Variants in LPAR3 observed in about 807,000 individuals in gnomAD.
LPAR3 encodes the protein lysophosphatidic acid receptor 3.
Under a neutral mutation model 17.8 loss-of-function variants are expected in LPAR3, and 7 were observed. The observed-to-expected ratio is 0.39, with a 90% CI of 0.22 to 0.74. LPAR3 has a LOEUF of 0.74. LPAR3 is among the 30% of genes least tolerant of loss of function. The pLI is 0.40. For missense variants in LPAR3, 391 were observed against 453.4 expected, an observed-to-expected ratio of 0.86 and a Z score of 1.25; for synonymous variants, 179 against 179.9, an observed-to-expected ratio of 0.99 and a Z score of 0.04.
In LPAR3 at chr1:84,813,544, T is replaced by C; in HGVS notation, c.*302A>G. The C allele has an allele frequency of 3.4e-6, 1 of 296,622 alleles. No homozygotes were observed. The allele number at this position is 296,622 out of a possible 1,614,324, so 18.4% of individuals were successfully genotyped here. ...ACGTCCTTTTAAAATACAAAGAGAATGGCTACGAAATGGTGCCAGAACCCA... is the reference window on the plus strand; with the variant it reads ...ACGTCCTTTTAAAATACAAAGAGAACGGCTACGAAATGGTGCCAGAACCCA... On this transcript the variant is annotated 3_prime_UTR_variant, in exon 3 of 3. Transcript: ENST00000370611.
intron 2 of LPAR3, among the ~76,000 whole-genome samples, chr1:84,846,357 C>T (rs927285704): frequency 1.3e-5 from 2 of 152,154 alleles, no homozygotes; most frequent in Non-Finnish European, 2.9e-5. Context: ...GAACTGCATA[C>T]AATTTTTTAT....
At chr1:84,824,668 C>T (rs1659119315) in intron 2 of LPAR3, among the ~76,000 whole-genome samples, 1 of 152,074 alleles carries the variant, frequency 6.6e-6, no homozygotes, top group African/African-American at 2.4e-5. Context: ...GGAAAGTGTC[C>T]AACACAGAAA....
In LPAR3 at chr1:84,853,989, C is replaced by T. The variant is rs533688445; in HGVS notation, c.736+11396G>A. On this transcript the variant is annotated intron_variant, in intron 2 of 2. Transcript: ENST00000370611. ...AGTTAGCCACAGGCACCACCCCTCC[C>T]TATTTCCTTATATCCACTCCAGACC... Among the ~76,000 whole-genome samples the T allele has an allele frequency of 1.9e-4, 29 of 152,318 alleles. No individual in the cohort carries two copies. The East Asian group carries it at 5.2e-3, about 27-fold the overall frequency.
rs182829141 is a variant in LPAR3, at chr1:84,880,252, C to G, written c.-19+12764G>C. Reference sequence around the variant, plus strand: ...GGCTGAGGCAGGAGAACTGCTTGAACAGAACCAGAACATGAGCTTGTTTTG... The same window carrying G: ...GGCTGAGGCAGGAGAACTGCTTGAAGAGAACCAGAACATGAGCTTGTTTTG... On this transcript the variant is annotated intron_variant, in intron 1 of 2. Coordinates refer to ENST00000370611, the MANE Select transcript of LPAR3 (RefSeq NM_012152.3). 3.6e-3 allele frequency among the ~76,000 whole-genome samples: 556 copies of G among 152,336 alleles called. 4 individuals are homozygous for G. The highest frequency in any genetic ancestry group is 0.013 in the African/African-American group (542 of 41,578).
intron 1 of LPAR3, among the ~76,000 whole-genome samples, chr1:84,867,329 C>T (rs1009917333): frequency 2.6e-5 from 4 of 152,150 alleles, no homozygotes; most frequent in African/African-American, 7.2e-5. Flanking sequence ...ACCATCTGCT[C>T]CCTCACTGAG....
At chr1:84,862,273 G>A (rs1659954656) in intron 2 of LPAR3, among the ~76,000 whole-genome samples, 1 of 152,166 alleles carries the variant, frequency 6.6e-6, no homozygotes, top group Non-Finnish European at 1.5e-5. Context: ...TCTTTTTCTT[G>A]TTCTTGTCCA....
At chr1:84,881,126 G>A (rs1049480810) in intron 1 of LPAR3, among the ~76,000 whole-genome samples, 5 of 152,150 alleles carry the variant, frequency 3.3e-5, no homozygotes, top group African/African-American at 1.2e-4. Flanking sequence ...ATTTAAAACA[G>A]AGGTTAGAGA....
rs756454308 is a variant in LPAR3, at chr1:84,813,982, C to A, written c.926G>T (p.Cys309Phe). ...CTCTGGGTTCTCCTGAGAGAAGCAG[C>A]AGATCATCTTCTTCATGGTGCCATA... is the stretch of plus-strand genomic sequence containing the variant. ...DMYGTMKKMI[C>F]CFSQENPERR... Residue 309 changes from cysteine to phenylalanine, a missense_variant, in exon 3 of 3, where the codon TGC (cysteine) becomes TTC (phenylalanine). Coordinates refer to ENST00000370611, the MANE Select transcript of LPAR3 (RefSeq NM_012152.3). The A allele has an allele frequency of 1.2e-6, 2 of 1,614,182 alleles. No individual in the cohort carries two copies. The highest frequency in any genetic ancestry group is 8.5e-7 in the Non-Finnish European group (1 of 1,180,040).
At chr1:84,842,028 AATT>A (rs1426669908) in intron 2 of LPAR3, among the ~76,000 whole-genome samples, 7 of 152,202 alleles carry the variant, frequency 4.6e-5, no homozygotes, top group Admixed American at 4.6e-4. Context: ...GGAAGAATAA[AATT>A]AGCACATGGA....
intron 2 of LPAR3, among the ~76,000 whole-genome samples, chr1:84,827,570 G>A (rs1659187104): frequency 6.6e-6 from 1 of 152,114 alleles, no homozygotes; most frequent in Non-Finnish European, 1.5e-5. Flanking sequence ...CCCAGAGTGG[G>A]CGATATGACT....
At chr1:84,827,045 A>C (rs193189299) in intron 2 of LPAR3, among the ~76,000 whole-genome samples, 1 of 152,228 alleles carries the variant, frequency 6.6e-6, no homozygotes, top group Non-Finnish European at 1.5e-5. Context: ...AATTTTATCT[A>C]CAGTTTACTA....
At chr1:84,820,260 C>T (rs1659029298) in intron 2 of LPAR3, among the ~76,000 whole-genome samples, 1 of 152,192 alleles carries the variant, frequency 6.6e-6, no homozygotes, top group African/African-American at 2.4e-5. Flanking sequence ...GTGTTCTAAG[C>T]TCCCTAAGCA....
chr1:84,843,354 T>C (rs146174836), intron 2 of LPAR3, among the ~76,000 whole-genome samples: 71 of 152,336 alleles, frequency 4.7e-4, no homozygotes, highest in African/African-American at 1.4e-3. Flanking sequence ...AAAGTTTCTC[T>C]TTGTGACCAC....
chr1:84,880,307 A>C (rs957251342), intron 1 of LPAR3, among the ~76,000 whole-genome samples: 3 of 152,234 alleles, frequency 2.0e-5, no homozygotes, highest in Non-Finnish European at 4.4e-5. Context: ...AGCAAGCGAG[A>C]CAAGAAAGAG....
intron 1 of LPAR3, among the ~76,000 whole-genome samples, chr1:84,866,434 T>G (rs1253823855): frequency 6.6e-6 from 1 of 152,182 alleles, no homozygotes; most frequent in East Asian, 1.9e-4. Flanking sequence ...GTCTGCCTCA[T>G]GGTGGGTAAT....
intron 2 of LPAR3, among the ~76,000 whole-genome samples, chr1:84,849,372 C>CAAAAAAAAAA (rs34239236): frequency 7.7e-5 from 6 of 77,482 alleles, no homozygotes; most frequent in African/African-American, 1.6e-4. Flanking sequence ...AGACTCATCT[C>CAAAAAAAAAA]AAAAAAAAAA....
At chr1:84,823,018 C>T (rs913978363) in intron 2 of LPAR3, among the ~76,000 whole-genome samples, 6 of 152,154 alleles carry the variant, frequency 3.9e-5, no homozygotes, top group African/African-American at 1.4e-4. Context: ...CAGCAGGGCA[C>T]AAGCAATAAT....
chr1:84,835,023 C>T (rs1177643763), intron 2 of LPAR3, among the ~76,000 whole-genome samples: 1 of 152,186 alleles, frequency 6.6e-6, no homozygotes, highest in Non-Finnish European at 1.5e-5. Context: ...AAATAAAATT[C>T]CTTTTCCAGG....
intron 2 of LPAR3, among the ~76,000 whole-genome samples, chr1:84,825,703 C>T (rs1659142404): frequency 6.6e-6 from 1 of 152,114 alleles, no homozygotes; most frequent in Non-Finnish European, 1.5e-5. Context: ...AAAAATGCAC[C>T]TCTGTTTAAA....
Sources: gnomAD v4.1 joint callset for allele counts (sites outside exome capture counted in the v4.1 genomes callset) on GRCh38, gnomAD v4.1.1 for gene constraint, MANE v1.5 for transcripts, NCBI Gene and HGNC (gene_info 2026-07-23, HGNC 2026-07-21) for gene names.